ACAA2: variants seen among roughly 807,000 people sequenced by gnomAD.
The protein encoded by ACAA2 is 3-ketoacyl-CoA thiolase, mitochondrial.
In ACAA2, 35 loss-of-function variants were observed where a neutral mutation model predicts 44.8. That is an observed-to-expected ratio of 0.78 (90% confidence interval 0.60 to 1.04). The LOEUF is 1.04. ACAA2 is among the 50% of genes least tolerant of loss of function. ACAA2 has a pLI of 0.00. For missense variants in ACAA2, 468 were observed against 482.6 expected, an observed-to-expected ratio of 0.97 and a Z score of 0.28; for synonymous variants, 142 against 166.5, an observed-to-expected ratio of 0.85 and a Z score of 1.13.
intron 1 of ACAA2, among the ~76,000 whole-genome samples, chr18:49,809,099 A>G (rs982192789): frequency 3.3e-5 from 5 of 152,158 alleles, no homozygotes; most frequent in Non-Finnish European, 4.4e-5. Flanking sequence ...TATCTCTCCT[A>G]CTTGCATATC....
At chr18:49,810,611 G>A (rs978678823) in intron 1 of ACAA2, among the ~76,000 whole-genome samples, 2 of 152,142 alleles carry the variant, frequency 1.3e-5, no homozygotes, top group Non-Finnish European at 2.9e-5. Context: ...GTTAGCTCAA[G>A]TAAGACCTTA....
chr18:49,785,092 G>A lies in ACAA2; in HGVS notation c.1109+105C>T, dbSNP rs550122337. The A allele has an allele frequency of 3.5e-5, 47 of 1,356,444 alleles. No individual in the cohort carries two copies. The South Asian group carries it at 5.7e-4, about 16-fold the overall frequency. The allele number at this position is 1,356,444 out of a possible 1,614,324, so 84.0% of individuals were successfully genotyped here. On this transcript the variant is annotated intron_variant, in intron 9 of 9. Coordinates refer to ENST00000285093, the MANE Select transcript of ACAA2 (RefSeq NM_006111.3). Reference sequence around the variant, plus strand: ...GTTCCTGGTAACAGCCAGTGCAGGAGACATGAAGAAGAATGAAAAATGTTG... The same window carrying A: ...GTTCCTGGTAACAGCCAGTGCAGGAAACATGAAGAAGAATGAAAAATGTTG...
chr18:49,796,492 A>C (rs1186803579), intron 3 of ACAA2, among the ~76,000 whole-genome samples: 1 of 152,206 alleles, frequency 6.6e-6, no homozygotes, highest in Admixed American at 6.5e-5. Context: ...AAATTGTTTT[A>C]TTAAAATACG....
chr18:49,801,814 A>ATATATATCTCTC (rs1491158195), intron 2 of ACAA2, among the ~76,000 whole-genome samples: 3 of 135,000 alleles, frequency 2.2e-5, no homozygotes, highest in African/African-American at 8.2e-5. Flanking sequence ...ATATATATAT[A>ATATATATCTCTC]TCTTATCTTT....
In ACAA2 at chr18:49,782,930, T is replaced by G. The variant is rs1312255395; in HGVS notation, c.*917A>C. The stretch of plus-strand genomic sequence containing the variant: ...TCTTAATTAAAATTTCCAGTGGCTC[T>G]TTGATGAAGTTAACAAGAATAGGGC... On this transcript the variant is annotated 3_prime_UTR_variant, in exon 10 of 10. Transcript: ENST00000285093. 4 of 152,260 alleles carry G rather than the reference T, an allele frequency of 2.6e-5. No individual in the cohort carries two copies. The highest frequency in any genetic ancestry group is 9.6e-5 in the African/African-American group (4 of 41,550). 9.4% of individuals were successfully genotyped at this position (152,260 alleles called of 1,614,324 possible).
chr18:49,784,049 T>C (rs969456399), intron 9 of ACAA2, 118 bp from the exon 10 acceptor site: 2 of 784,090 alleles, frequency 2.6e-6, no homozygotes, highest in African/African-American at 3.4e-5. Context: ...CTCAATCTTT[T>C]CCCCAGTCCT....
At chr18:49,787,595 T>C (rs2143947860) in intron 7 of ACAA2, among the ~76,000 whole-genome samples, 1 of 151,866 alleles carries the variant, frequency 6.6e-6, no homozygotes, top group East Asian at 1.9e-4. Flanking sequence ...GAGGCTGAAG[T>C]GGGAGGATCA....
At chr18:49,786,968 C>G (rs1218142793) in intron 8 of ACAA2, among the ~76,000 whole-genome samples, 2 of 152,032 alleles carry the variant, frequency 1.3e-5, no homozygotes, top group Admixed American at 1.3e-4. Context: ...TATTTTTTCA[C>G]TTTAATATTC....
chr18:49,789,976 T>G (rs2023379604), intron 7 of ACAA2, among the ~76,000 whole-genome samples: 1 of 152,160 alleles, frequency 6.6e-6, no homozygotes, highest in Non-Finnish European at 1.5e-5. Context: ...AAACCAACTC[T>G]GCTCTTGGGC....
intron 1 of ACAA2, among the ~76,000 whole-genome samples, chr18:49,811,938 A>G (rs927331842): frequency 8.5e-5 from 13 of 152,244 alleles, no homozygotes; most frequent in Admixed American, 4.6e-4. Context: ...AGTATTTGTG[A>G]AATTTTCAAA....
chr18:49,784,573 C>T (rs1425139232), intron 9 of ACAA2, among the ~76,000 whole-genome samples: 2 of 152,184 alleles, frequency 1.3e-5, no homozygotes, highest in Non-Finnish European at 2.9e-5. Context: ...ATAAGAGTCA[C>T]ATTTCCCCTG....
intron 8 of ACAA2, among the ~76,000 whole-genome samples, chr18:49,787,009 A>G (rs1010748172): frequency 6.6e-6 from 1 of 152,212 alleles, no homozygotes; most frequent in Non-Finnish European, 1.5e-5. Context: ...AAAATGTAAC[A>G]GTTTTATAAA....
intron 1 of ACAA2, among the ~76,000 whole-genome samples, chr18:49,811,152 A>ACCTATTAAC (rs2023665584): frequency 6.6e-6 from 1 of 151,878 alleles, no homozygotes; most frequent in Non-Finnish European, 1.5e-5. Flanking sequence ...CAGTGAAGAG[A>ACCTATTAAC]CCTATTAACC....
intron 5 of ACAA2, among the ~76,000 whole-genome samples, chr18:49,792,861 T>TTTAC (rs2023421805): frequency 6.6e-6 from 1 of 152,240 alleles, no homozygotes; most frequent in Admixed American, 6.5e-5. Context: ...GTCTTTACTA[T>TTTAC]TTACTTACAC....
rs572668717 is a variant in ACAA2, at chr18:49,799,939, C to T, written c.184-2345G>A. On this transcript the variant is annotated intron_variant, in intron 2 of 9. Transcript: ENST00000285093. ...CTGAGAAGTGAGGAGACCCTCTGCC[C>T]GGCAACCGCCCCGTCTAAGTGAGGA... Among the ~76,000 whole-genome samples, 19 of 150,518 alleles carry T rather than the reference C, an allele frequency of 1.3e-4. No homozygotes were observed. In the South Asian group the frequency reaches 1.9e-3, roughly 15 times the overall value.
rs531343535 is a variant in ACAA2, at chr18:49,803,280, A to ATAATAT, written c.17-428_17-427insATATTA. Among the ~76,000 whole-genome samples the ATAATAT allele has an allele frequency of 1.0e-3, 150 of 149,328 alleles. 2 individuals carry two copies. In the South Asian group the frequency reaches 0.022, roughly 22 times the overall value. On this transcript the variant is annotated intron_variant, in intron 1 of 9. Coordinates refer to ENST00000285093, the MANE Select transcript of ACAA2 (RefSeq NM_006111.3). ...AATAATAATAATAATAATAATAATA[A>ATAATAT]TATCAATCCCTGACCTAAACTACTT...
In ACAA2 at chr18:49,795,858, T is replaced by C. The variant is rs35109059; in HGVS notation, c.336A>G (p.Glu112=). Reference sequence around the variant, plus strand: ...TTTCGGTTCCTCCACATAAAACAACTTCAGCTTCTTTAACACAAATTTCCT... The same window carrying C: ...TTTCGGTTCCTCCACATAAAACAACCTCAGCTTCTTTAACACAAATTTCCT... The part of the protein sequence containing the change: ...GCQEICVKEA[E]VVLCGGTESM... The change falls in exon 4 of 10, where the codon GAA becomes GAG. Residue 112 remains glutamate (E), a synonymous_variant. Transcript: ENST00000285093. 2,534 of 1,611,438 alleles carry C rather than the reference T, an allele frequency of 1.6e-3. 26 individuals carry two copies. The African/African-American group carries it at 0.029, about 18-fold the overall frequency.
chr18:49,799,233 C>CCCCT (rs967704019), intron 2 of ACAA2, among the ~76,000 whole-genome samples: 13 of 152,116 alleles, frequency 8.5e-5, no homozygotes, highest in African/African-American at 3.1e-4. Context: ...CCTCCTCCTC[C>CCCCT]CCCTCTCCCC....
chr18:49,802,117 C>A (rs569015774), intron 2 of ACAA2, among the ~76,000 whole-genome samples: 1 of 152,278 alleles, frequency 6.6e-6, no homozygotes, highest in Admixed American at 6.5e-5. Flanking sequence ...GATCAATTAA[C>A]TTCAAGTAAG....
Sources: gnomAD v4.1 joint callset for allele counts (sites outside exome capture counted in the v4.1 genomes callset) on GRCh38, gnomAD v4.1.1 for gene constraint, MANE v1.5 for transcripts, NCBI Gene and HGNC (gene_info 2026-07-23, HGNC 2026-07-21) for gene names.